Variants in NCOR2 observed in about 807,000 individuals in gnomAD.
NCOR2 encodes the protein nuclear receptor corepressor 2, also known as CTG repeat protein 26.
NCOR2 carries 81 observed loss-of-function variants against 262.9 expected under a neutral mutation model. The ratio of observed to expected loss-of-function variants is 0.31; its 90% confidence interval spans 0.26 to 0.37. NCOR2 has a LOEUF of 0.37. Among genes scored for constraint, NCOR2 ranks in the 10% least tolerant of loss-of-function variants. The pLI is 1.00. For synonymous variants in NCOR2, 1,659 were observed against 1,559.3 expected, an observed-to-expected ratio of 1.06 and a Z score of -1.51; for missense variants, 3,385 against 3,621.4, an observed-to-expected ratio of 0.93 and a Z score of 1.68.
At chr12:124,528,291 A>G (rs1005641565) in intron 1 of NCOR2, among the ~76,000 whole-genome samples, 3 of 152,166 alleles carry the variant, frequency 2.0e-5, no homozygotes, top group Admixed American at 6.5e-5. Flanking sequence ...TCCATCCACA[A>G]TGATGAATCT....
intron 20 of NCOR2, among the ~76,000 whole-genome samples, chr12:124,369,756 G>A (rs2039338226): frequency 6.6e-6 from 1 of 152,148 alleles, no homozygotes; most frequent in African/African-American, 2.4e-5. Context: ...TGCACCCGGG[G>A]GCTGTGTGCT....
At chr12:124,327,736 G>A (rs2034810025) in intron 44 of NCOR2, 103 bp from the exon 47 acceptor site, 1 of 748,730 alleles carries the variant, frequency 1.3e-6, no homozygotes, top group Non-Finnish European at 2.2e-6. Flanking sequence ...GGAAGGAGGA[G>A]GAGGAGGAGG....
At chr12:124,402,048 G>A (rs777885285) in intron 14 of NCOR2, among the ~76,000 whole-genome samples, 7 of 152,176 alleles carry the variant, frequency 4.6e-5, no homozygotes, top group Non-Finnish European at 7.4e-5. Context: ...CCCCCTTCCT[G>A]GCGCCTCAGG....
Position 124,385,824 on chromosome 12 carries a change from GAC to G in NCOR2, c.1938_1939del (p.Ser647AlafsTer3). On this transcript the variant is annotated frameshift_variant, in exon 17 of 47. Coordinates refer to ENST00000405201, the Ensembl canonical transcript of NCOR2. LOFTEE classifies it high-confidence loss of function. ...GTTGAAGTAGAAGTTCTTACACTGC[GAC>G]ACAGTCTTGGAGCCCACCATCCGGG... 1 of 1,614,022 alleles carries G rather than the reference GAC, an allele frequency of 6.2e-7. No homozygotes were observed. The highest frequency in any genetic ancestry group is 8.5e-7 in the Non-Finnish European group (1 of 1,179,994).
chr12:124,346,778 C>A, exon 31 of NCOR2: 1 of 1,561,298 alleles, frequency 6.4e-7, no homozygotes, highest in African/African-American at 1.4e-5. Context: ...CGGAGGCGTG[C>A]CCTCCCGCTT....
intron 22 of NCOR2, among the ~76,000 whole-genome samples, chr12:124,357,807 T>TGC (rs1314260640): frequency 2.0e-5 from 3 of 149,966 alleles, no homozygotes; most frequent in East Asian, 2.0e-4. Context: ...TGTGTGTGTG[T>TGC]GCGCGCACGC....
intron 10 of NCOR2, among the ~76,000 whole-genome samples, chr12:124,428,708 G>A (rs543869903): frequency 1.6e-4 from 24 of 152,322 alleles, no homozygotes; most frequent in Non-Finnish European, 2.6e-4. Context: ...AGATGCAACC[G>A]AGGAACTGAA....
intron 1 of NCOR2, among the ~76,000 whole-genome samples, chr12:124,519,530 G>T (rs1442911753): frequency 6.6e-6 from 1 of 152,186 alleles, no homozygotes; most frequent in Non-Finnish European, 1.5e-5. Context: ...TGTCAAAGCA[G>T]AGAGAAGGCT....
Position 124,531,137 on chromosome 12 carries a change from G to A in NCOR2, c.-118+4428C>T, listed in dbSNP as rs2050750031. On this transcript the variant is annotated intron_variant, in intron 1 of 46. Transcript: ENST00000404621. This position sits in a 1 kb window ranked among gnomAD's most constrained non-coding sequence, Gnocchi z 4.5. ...CCCTGAGGACAACACAGGCACATGA[G>A]AGGTCATTTCAGGAGAAGGACGTCT... Among the ~76,000 whole-genome samples the A allele has an allele frequency of 6.6e-6, 1 of 152,232 alleles. No homozygotes were observed. The highest frequency in any genetic ancestry group is 2.4e-5 in the African/African-American group (1 of 41,456).
intron 1 of NCOR2, among the ~76,000 whole-genome samples, chr12:124,560,495 G>A (rs183876469): frequency 5.9e-5 from 9 of 152,362 alleles, no homozygotes; most frequent in African/African-American, 2.2e-4. Flanking sequence ...TGGGCTGGCC[G>A]GATTTGGCCC....
chr12:124,423,772 A>G (rs909343100), intron 11 of NCOR2, among the ~76,000 whole-genome samples: 3 of 152,098 alleles, frequency 2.0e-5, no homozygotes, highest in Admixed American at 6.5e-5. Flanking sequence ...CCCTCCCTCA[A>G]TACCTCACTT....
At chr12:124,500,035 T>C (rs2048612976), upstream of NCOR2, among the ~76,000 whole-genome samples, 7 of 152,114 alleles carry the variant, frequency 4.6e-5, no homozygotes, top group Admixed American at 4.6e-4. Context: ...ACCCTGTGCC[T>C]GTGGCATACC....
At chr12:124,448,648 A>AGCTGCTGCAGGAG (rs111856158) in intron 7 of NCOR2, among the ~76,000 whole-genome samples, 22 of 152,246 alleles carry the variant, frequency 1.4e-4, no homozygotes, top group African/African-American at 5.3e-4. Context: ...AACAATGACC[A>AGCTGCTGCAGGAG]GGTGGCCAAG....
chr12:124,413,712 G>A lies in NCOR2; in HGVS notation c.1482+6245C>T, dbSNP rs563167473. On this transcript the variant is annotated intron_variant, in intron 13 of 46. Transcript: ENST00000405201. Reference sequence around the variant, plus strand: ...CTGGGAGTGGGGGTGCTGAGAGAGCGCAAGAGACGCAGAGCGGGAGACAGA... The same window carrying A: ...CTGGGAGTGGGGGTGCTGAGAGAGCACAAGAGACGCAGAGCGGGAGACAGA... Among the ~76,000 whole-genome samples, 7 of 152,278 alleles carry A rather than the reference G, an allele frequency of 4.6e-5. No homozygotes were observed. The East Asian group carries it at 1.2e-3, about 25-fold the overall frequency.
At chr12:124,544,772 AG>A (rs775454132) in intron 1 of NCOR2, among the ~76,000 whole-genome samples, 18 of 152,164 alleles carry the variant, frequency 1.2e-4, no homozygotes, top group Non-Finnish European at 2.4e-4. Context: ...TGACATACAG[AG>A]TCCCCGGTGG....
intron 11 of NCOR2, 81 bp from the exon 14 acceptor site, chr12:124,422,636 G>T: frequency 6.4e-7 from 1 of 1,554,494 alleles, no homozygotes; most frequent in Non-Finnish European, 8.8e-7. Context: ...CCAGGCGCCT[G>T]CCATCCCCAC....
chr12:124,519,207 A>T (rs1247082743), intron 1 of NCOR2, among the ~76,000 whole-genome samples: 1 of 151,572 alleles, frequency 6.6e-6, no homozygotes, highest in African/African-American at 2.4e-5. Flanking sequence ...CTCAGAGACA[A>T]GTCTGAGCTT....
At chr12:124,412,708 G>A (rs1045740720) in intron 13 of NCOR2, among the ~76,000 whole-genome samples, 1 of 152,246 alleles carries the variant, frequency 6.6e-6, no homozygotes, top group Non-Finnish European at 1.5e-5. Flanking sequence ...CTCAGGGGCT[G>A]ACCCCCAGCA....
At chr12:124,421,366 G>A (rs2043194018) in intron 12 of NCOR2, among the ~76,000 whole-genome samples, 3 of 152,260 alleles carry the variant, frequency 2.0e-5, no homozygotes, top group South Asian at 2.1e-4. Flanking sequence ...GCCAGTTTCT[G>A]AAATGCTTCC....
Sources: allele counts gnomAD v4.1 joint callset (sites outside exome capture counted in the v4.1 genomes callset), GRCh38; gene constraint gnomAD v4.1.1; non-coding constraint Gnocchi (gnomAD v3.1); transcripts MANE v1.5; gene names NCBI Gene and HGNC (gene_info 2026-07-23, HGNC 2026-07-21).